The following FGF13 variants were observed in gnomAD, a reference collection of about 807,000 sequenced individuals.
FGF13 encodes the protein fibroblast growth factor 13.
In FGF13, 2 loss-of-function variants were observed where a neutral mutation model predicts 19.5. The observed-to-expected ratio is 0.10, with a 90% confidence interval of 0.04 to 0.32. The LOEUF (loss-of-function observed/expected upper bound fraction) is 0.32, where lower values mean the gene tolerates loss of function less well. Ranked by LOEUF, FGF13 falls within the 10% of genes least tolerant of loss-of-function variation. FGF13 has a pLI of 1.00. For missense variants in FGF13, 113 were observed against 192.7 expected, an observed-to-expected ratio of 0.59 and a Z score of 2.45; for synonymous variants, 72 against 76.9, an observed-to-expected ratio of 0.94 and a Z score of 0.33.
intron 3 of FGF13, among the ~76,000 whole-genome samples, chrX:138,657,400 C>T (rs930700281): frequency 9.0e-6 from 1 of 111,701 alleles, no homozygotes; most frequent in Non-Finnish European, 1.9e-5. Flanking sequence ...GAACTGCAAA[C>T]AGAATTACCT....
chrX:139,159,235 A>G (rs749199881), intron 1 of FGF13, among the ~76,000 whole-genome samples: 120 of 112,096 alleles, frequency 1.1e-3, no homozygotes, highest in Non-Finnish European at 1.9e-3. Flanking sequence ...ACTAAGCTTC[A>G]TAAGTGAAGG....
At chrX:138,824,210 G>A (rs757942350) in intron 3 of FGF13, among the ~76,000 whole-genome samples, 2 of 111,861 alleles carry the variant, frequency 1.8e-5, no homozygotes, top group Non-Finnish European at 3.8e-5. Context: ...CTACAAATGG[G>A]GTAAGTTTGA....
chrX:139,178,014 G>A (rs766620439), intron 1 of FGF13, among the ~76,000 whole-genome samples: 2 of 112,050 alleles, frequency 1.8e-5, no homozygotes, highest in African/African-American at 6.5e-5. Context: ...GTCCCACCCT[G>A]CTTCAGCTCG....
chrX:139,036,927 G>C (rs2092252555), intron 1 of FGF13, among the ~76,000 whole-genome samples: 1 of 110,969 alleles, frequency 9.0e-6, no homozygotes. Flanking sequence ...ACAGCACGTG[G>C]GAATTGTGGG....
chrX:138,718,450 G>A (rs186371240), intron 1 of FGF13, among the ~76,000 whole-genome samples: 1 of 111,904 alleles, frequency 8.9e-6, no homozygotes, highest in Admixed American at 9.5e-5. Flanking sequence ...TTTGAGGAAA[G>A]GAATGCAGTG....
intron 1 of FGF13, among the ~76,000 whole-genome samples, chrX:139,072,197 G>T (rs995526398): frequency 9.3e-6 from 1 of 107,948 alleles, no homozygotes; most frequent in African/African-American, 3.4e-5. Context: ...TAAAAGTGGG[G>T]CCCTAATCCA....
At chrX:138,700,092 T>C (rs1050325491) in intron 3 of FGF13, among the ~76,000 whole-genome samples, 5 of 110,818 alleles carry the variant, frequency 4.5e-5, no homozygotes, top group African/African-American at 1.6e-4. Context: ...TTTAACCATG[T>C]ATGGTGGTCC....
chrX:138,923,779 C>T (rs1042229289), intron 1 of FGF13, among the ~76,000 whole-genome samples: 23 of 111,877 alleles, frequency 2.1e-4, no homozygotes, highest in African/African-American at 7.5e-4. Flanking sequence ...CTCTGGGCCT[C>T]TGTGCTTGCT....
intron 3 of FGF13, among the ~76,000 whole-genome samples, chrX:138,676,251 T>A (rs1280215187): frequency 9.0e-6 from 1 of 110,919 alleles, no homozygotes; most frequent in Non-Finnish European, 1.9e-5. Context: ...GCACAGTGAA[T>A]CCACAGCTAC....
intron 1 of FGF13, among the ~76,000 whole-genome samples, chrX:138,887,146 T>C (rs2091455182): frequency 9.0e-6 from 1 of 111,715 alleles, no homozygotes; most frequent in Non-Finnish European, 1.9e-5. Context: ...ATTATCTCCC[T>C]GAGTCTCAGC....
intron 3 of FGF13, among the ~76,000 whole-genome samples, chrX:138,805,848 C>A (rs1301207207): frequency 9.0e-6 from 1 of 110,806 alleles, no homozygotes; most frequent in East Asian, 2.9e-4. Context: ...ATTAACTCCC[C>A]CTTTTTTCAC....
intron 3 of FGF13, among the ~76,000 whole-genome samples, chrX:138,770,327 C>T (rs979709239): frequency 9.0e-6 from 1 of 111,103 alleles, no homozygotes; most frequent in Admixed American, 9.6e-5. Context: ...CTCAGCCCCC[C>T]ACTTTTACCC....
Position 138,634,438 on chromosome X carries a change from G to A in FGF13, c.601+1019C>T, listed in dbSNP as rs1268066202. On this transcript the variant is annotated intron_variant, in intron 4 of 4. Coordinates refer to ENST00000315930, the MANE Select transcript of FGF13 (RefSeq NM_004114.5). The stretch of plus-strand genomic sequence containing the variant: ...AGGCAACATTTTAGCATAATTTGGG[G>A]ATCTTGGCTGTCCTGAGTTAGCATG... Among the ~76,000 whole-genome samples, 4 of 113,010 alleles carry A rather than the reference G, an allele frequency of 3.5e-5. No homozygotes were observed. In the South Asian group the frequency reaches 1.4e-3, roughly 41 times the overall value.
intron 3 of FGF13, among the ~76,000 whole-genome samples, chrX:138,811,944 C>CTT (rs199549120): frequency 9.7e-6 from 1 of 103,515 alleles, no homozygotes; most frequent in Non-Finnish European, 2.0e-5. Context: ...CAACCACTTT[C>CTT]TTTTTTTTTT....
intron 1 of FGF13, among the ~76,000 whole-genome samples, chrX:138,882,043 T>C (rs1185141012): frequency 9.0e-6 from 1 of 110,860 alleles, no homozygotes; most frequent in African/African-American, 3.3e-5. Flanking sequence ...ATTTACAGTT[T>C]TAATTTCACT....
intron 2 of FGF13, among the ~76,000 whole-genome samples, chrX:138,705,659 G>A (rs975696624): frequency 3.2e-4 from 36 of 111,602 alleles, no homozygotes; most frequent in Admixed American, 2.7e-3. Context: ...ATCATAAACC[G>A]GGTTTGTTTA....
intron 1 of FGF13, among the ~76,000 whole-genome samples, chrX:139,050,907 T>C (rs1191134228): frequency 8.9e-6 from 1 of 112,099 alleles, no homozygotes; most frequent in Admixed American, 9.5e-5. Flanking sequence ...TTCTTCCTCA[T>C]GACATCTTTT....
intron 1 of FGF13, among the ~76,000 whole-genome samples, chrX:138,948,437 C>T (rs1472756061): frequency 1.8e-5 from 2 of 111,844 alleles, no homozygotes; most frequent in African/African-American, 6.5e-5. Context: ...AGTGAAAAAA[C>T]AGATTTCCTC....
chrX:139,163,933 T>A (rs1339606595), intron 1 of FGF13, among the ~76,000 whole-genome samples: 2 of 111,127 alleles, frequency 1.8e-5, no homozygotes, highest in African/African-American at 6.5e-5. Context: ...TTATTTGGTA[T>A]GCTTTTTTCC....
Sources: allele counts gnomAD v4.1 joint callset (sites outside exome capture counted in the v4.1 genomes callset), GRCh38; gene constraint gnomAD v4.1.1; transcripts MANE v1.5; gene names NCBI Gene and HGNC (gene_info 2026-07-23, HGNC 2026-07-21).